DIP2A: variants seen among roughly 807,000 people sequenced by gnomAD.
The protein encoded by DIP2A is DIP2 acetate--CoA ligase A, also known as disco-interacting protein 2 homolog A.
Under a neutral mutation model 177.4 loss-of-function variants are expected in DIP2A, and 85 were observed. The observed-to-expected ratio is 0.48, with a 90% CI of 0.40 to 0.57. DIP2A has a LOEUF of 0.57. DIP2A is among the 20% of genes least tolerant of loss of function. The pLI is 0.00. For synonymous variants in DIP2A, 886 were observed against 881.8 expected (o/e 1.00, Z -0.08); for missense variants, 1,791 against 2,100.2 (o/e 0.85, Z 2.88).
At chr21:46,515,078 T>G (rs572856718) in intron 8 of DIP2A, among the ~76,000 whole-genome samples, 1 of 152,364 alleles carries the variant, frequency 6.6e-6, no homozygotes, top group African/African-American at 2.4e-5. Flanking sequence ...TCTGTTTTCA[T>G]TAGAAAAATT....
At position 46,537,563 on chromosome 21, in the gene DIP2A, C is replaced by T. The variant is rs774160667; in HGVS notation, c.1801+24C>T. The stretch of plus-strand genomic sequence containing the variant: ...AGGTAACGGATACCATGGTCAGGGC[C>T]TTCACCCTTCTTTAGGGAAATCTCT... On this transcript the variant is annotated intron_variant, in intron 15 of 37. Coordinates refer to ENST00000417564, the MANE Select transcript of DIP2A (RefSeq NM_015151.4). The surrounding 1 kb of genome is among the most constrained non-coding windows in gnomAD (Gnocchi z 4.1). 1 of 1,604,108 alleles carries T rather than the reference C, an allele frequency of 6.2e-7. No individual in the cohort carries two copies. The highest frequency in any genetic ancestry group is 8.5e-7 in the Non-Finnish European group (1 of 1,172,370).
rs1417789291 is a variant in DIP2A at position 46,545,238 on chromosome 21, T to C, written c.2278T>C (p.Tyr760His). ...TTCCAGTGCAACTGGCACAGCGTAC[T>C]ATGGATTGCTTGGAATCACGAAGAA... ...VSSSATGTAY[Y>H]GLLGITKNVF... is the part of the protein sequence containing the mutation. Residue 760 changes from tyrosine (Y) to histidine (H), a missense_variant, in exon 19 of 38, where the codon TAT becomes CAT. Physicochemically the swap from Tyr to His is moderately conservative, Grantham distance 83 (BLOSUM62 2). Transcript: ENST00000417564. 2 of 1,604,488 alleles carry C rather than the reference T, an allele frequency of 1.2e-6. No homozygotes were observed. The highest frequency in any genetic ancestry group is 1.7e-6 in the Non-Finnish European group (2 of 1,172,616).
chr21:46,580,895 C>T, the DIP2A span, among the ~76,000 whole-genome samples: 1 of 152,018 alleles, frequency 6.6e-6, no homozygotes. Flanking sequence ...TCATTTTGAC[C>T]TTGAGGAATC....
At chr21:46,553,560 GAGACACACAGA>G in intron 25 of DIP2A, 1 of 153,294 alleles carries the variant, frequency 6.5e-6, no homozygotes, top group Non-Finnish European at 1.5e-5. Context: ...AGTCCTAGAG[GAGACACACAGA>G]TGCCTCTGAG....
At chr21:46,550,405 A>G (rs1356653677) in intron 22 of DIP2A, 138 bp from the exon 23 acceptor site, 1 of 779,450 alleles carries the variant, frequency 1.3e-6, no homozygotes, top group African/African-American at 1.8e-5. Flanking sequence ...TTGTTTCCTC[A>G]TTTAACAAAG....
chr21:46,571,198 C>G (rs2060960136), downstream of DIP2A, among the ~76,000 whole-genome samples: 1 of 152,158 alleles, frequency 6.6e-6, no homozygotes, highest in Non-Finnish European at 1.5e-5. Context: ...GTTGCACACT[C>G]CTTATAAGAA....
At chr21:46,460,027 C>G (rs78014401) in intron 1 of DIP2A, among the ~76,000 whole-genome samples, 11,603 of 152,160 alleles carry the variant, frequency 0.076, 1,075 homozygotes, top group African/African-American at 0.23. Flanking sequence ...GAGCCCTTGC[C>G]GCGCGCCTCA....
At chr21:46,546,654 T>C (rs1374755643) in intron 20 of DIP2A, among the ~76,000 whole-genome samples, 1 of 151,986 alleles carries the variant, frequency 6.6e-6, no homozygotes, top group South Asian at 2.1e-4. Context: ...TTCTTTCACA[T>C]AGCCTGCCCC....
At position 46,550,754 on chromosome 21, in the gene DIP2A, AC is replaced by A. The variant is rs1451332803; in HGVS notation, c.2839+12del. 1.2e-6 allele frequency: 2 copies of A among 1,613,390 alleles called. No homozygotes were observed. The highest frequency in any genetic ancestry group is 2.7e-5 in the African/African-American group (2 of 74,892). ...CGTCAGAAACAACCAGGTTAGTTGA[AC>A]CTAACAACAGGATGCTCTCTAGTCT... On this transcript the variant is annotated intron_variant, in intron 23 of 37. Transcript: ENST00000417564.
chr21:46,502,437 ATTTTTTTTTTT>A (rs36011338), intron 5 of DIP2A, among the ~76,000 whole-genome samples: 6 of 44,834 alleles, frequency 1.3e-4, no homozygotes, highest in African/African-American at 2.0e-4. Flanking sequence ...GCTAGTGTTG[ATTTTTTTTTTT>A]TTTTTTTTTT....
At chr21:46,533,896 C>A in intron 11 of DIP2A, 108 bp from the exon 12 acceptor site, 1 of 1,056,096 alleles carries the variant, frequency 9.5e-7, no homozygotes, top group Non-Finnish European at 1.4e-6. Context: ...AACTTGCACT[C>A]CTTATTCGCT....
downstream of DIP2A, among the ~76,000 whole-genome samples, chr21:46,572,335 T>TATA (rs1227290281): frequency 3.3e-5 from 5 of 152,182 alleles, no homozygotes; most frequent in African/African-American, 1.2e-4. Context: ...GTACAATGTT[T>TATA]ATAAAGTCTA....
chr21:46,536,469 GGGGA>G (rs2059575095), intron 13 of DIP2A, among the ~76,000 whole-genome samples: 1 of 152,238 alleles, frequency 6.6e-6, no homozygotes, highest in Admixed American at 6.5e-5. Context: ...CTCTTACAGA[GGGGA>G]GATGCCGGAT....
intron 1 of DIP2A, among the ~76,000 whole-genome samples, chr21:46,466,027 TGCTTTCAAGCAA>T: frequency 6.6e-6 from 1 of 152,316 alleles, no homozygotes; most frequent in East Asian, 1.9e-4. Context: ...ATAATATTTG[TGCTTTCAAGCAA>T]AAATCAAAAT....
chr21:46,544,077 G>A (rs2059932668), intron 18 of DIP2A, among the ~76,000 whole-genome samples: 2 of 152,224 alleles, frequency 1.3e-5, no homozygotes, highest in South Asian at 2.1e-4. Flanking sequence ...ATGGACCACA[G>A]CCCATTCATT....
At position 46,509,140 on chromosome 21, in the gene DIP2A, A is replaced by G. The variant is rs865820830; in HGVS notation, c.785-117A>G. 4.2e-6 allele frequency: 5 copies of G among 1,181,664 alleles called. No homozygotes were observed. In the East Asian group the frequency reaches 8.1e-5, roughly 19 times the overall value. 73.2% of individuals were successfully genotyped at this position (1,181,664 alleles called of 1,614,324 possible). On this transcript the variant is annotated intron_variant, in intron 6 of 37. Coordinates refer to ENST00000417564, the MANE Select transcript of DIP2A (RefSeq NM_015151.4). ...AAAATGACTGTCCAGTGGGGCCCAC[A>G]CTTGGATGGATTTGTAAGCTCTGAT... is the stretch of plus-strand genomic sequence containing the variant.
At position 46,569,495 on chromosome 21, in the gene DIP2A, A is replaced by C. The variant is rs896293989; in HGVS notation, c.*1873A>C. The C allele has an allele frequency of 6.6e-5, 10 of 152,292 alleles. No individual in the cohort carries two copies. The highest frequency in any genetic ancestry group is 5.2e-4 in the Admixed American group (8 of 15,290). The allele number at this position is 152,292 out of a possible 1,614,324, so 9.4% of individuals were successfully genotyped here. On this transcript the variant is annotated 3_prime_UTR_variant, in exon 38 of 38. Transcript: ENST00000417564. ...CTGGGAAGGGAAAGAAAAAAAAAAA[A>C]AAACTACCTAACTCCAATCTTAATG...
chr21:46,547,222 T>G (rs189756078), intron 21 of DIP2A, 180 bp downstream of exon 21: 2 of 1,394,112 alleles, frequency 1.4e-6, no homozygotes, highest in South Asian at 1.6e-5. Flanking sequence ...AGAGTTAATA[T>G]CCTTACTGTC....
At position 46,556,984 on chromosome 21, in the gene DIP2A, C is replaced by A; in HGVS notation, c.3544C>A (p.Gln1182Lys). The A allele has an allele frequency of 6.2e-7, 1 of 1,600,424 alleles. No homozygotes were observed. Among genetic ancestry groups the A allele is most frequent in the East Asian group, 2.2e-5 (1 of 44,512 alleles). Residue 1182 changes from glutamine to lysine, a missense_variant, in exon 30 of 38, where the codon CAG (glutamine) becomes AAG (lysine). Gln to Lys is a moderately conservative substitution (Grantham distance 53). Transcript: ENST00000417564. The surrounding 1 kb of genome is among the most constrained non-coding windows in gnomAD (Gnocchi z 4.5). Reference protein sequence around the residue: ...TSALCRSIKLQCELYPSRQIA... With the variant: ...TSALCRSIKLKCELYPSRQIA... ...CGCCTTATGCCGCTCCATAAAGCTGCAGTGTGAGCTGTACCCCTCGCGGCA... is the reference window on the plus strand; with the variant it reads ...CGCCTTATGCCGCTCCATAAAGCTGAAGTGTGAGCTGTACCCCTCGCGGCA...
Sources: allele counts gnomAD v4.1 joint callset (sites outside exome capture counted in the v4.1 genomes callset), GRCh38; gene constraint gnomAD v4.1.1; non-coding constraint Gnocchi (gnomAD v3.1); transcripts MANE v1.5; gene names NCBI Gene and HGNC (gene_info 2026-07-23, HGNC 2026-07-21).